ZC3HC1: variants seen among roughly 807,000 people sequenced by gnomAD.
ZC3HC1 encodes the protein zinc finger C3HC-type protein 1.
In ZC3HC1, 38 loss-of-function variants were observed where a neutral mutation model predicts 61.9. The ratio of observed to expected loss-of-function variants is 0.61; its 90% CI spans 0.47 to 0.81. The LOEUF (loss-of-function observed/expected upper bound fraction) is 0.81, where lower values mean the gene tolerates loss of function less well. ZC3HC1 is among the 30% of genes least tolerant of loss of function. The probability of loss-of-function intolerance (pLI) is 0.00; values close to 1 mark genes in which losing one functional copy is unlikely to be tolerated. For synonymous variants in ZC3HC1, 213 were observed against 229.9 expected (o/e 0.93, Z 0.67); for missense variants, 554 against 622.7 (o/e 0.89, Z 1.17).
intron 4 of ZC3HC1, among the ~76,000 whole-genome samples, chr7:130,037,937 A>G (rs1378440325): frequency 6.6e-6 from 1 of 152,220 alleles, no homozygotes; most frequent in Non-Finnish European, 1.5e-5. Context: ...CAGCAGGAAT[A>G]TGCCTATGTG....
At chr7:130,045,783 TG>T (rs1794839138) in intron 2 of ZC3HC1, among the ~76,000 whole-genome samples, 1 of 146,382 alleles carries the variant, frequency 6.8e-6, no homozygotes, top group African/African-American at 2.6e-5. Context: ...CCCAGGTACT[TG>T]GGAGGCTGAG....
Position 130,023,667 on chromosome 7 carries a change from A to C in ZC3HC1, c.1077T>G (p.Ser359Arg). ...VSRTRSWDSS[S>R]PVDRPEPEAA... The stretch of plus-strand genomic sequence containing the variant: ...CCTCTGGCTCAGGACGGTCAACAGG[A>C]CTGGAAGAGTCCCAGCTCCGAGTTC... The change falls in exon 8 of 10, where the codon AGT becomes AGG. Residue 359 changes from serine (S) to arginine (R), a missense_variant. Ser to Arg is a moderately radical substitution (Grantham distance 110). Coordinates refer to ENST00000358303, the MANE Select transcript of ZC3HC1 (RefSeq NM_016478.5). This position sits in a 1 kb window ranked among gnomAD's most constrained non-coding sequence, Gnocchi z 4.2. 1 of 1,614,204 alleles carries C rather than the reference A, an allele frequency of 6.2e-7. No homozygotes were observed. Among genetic ancestry groups the C allele is most frequent in the Non-Finnish European group, 8.5e-7 (1 of 1,180,028 alleles).
chr7:130,037,523 G>C (rs1399220055), intron 4 of ZC3HC1, among the ~76,000 whole-genome samples: 1 of 152,100 alleles, frequency 6.6e-6, no homozygotes, highest in African/African-American at 2.4e-5. Flanking sequence ...AATCCTCATA[G>C]GACCAAGTTT....
At chr7:130,032,219 C>T (rs1319134795) in intron 4 of ZC3HC1, among the ~76,000 whole-genome samples, 1 of 19,130 alleles carries the variant, frequency 5.2e-5, no homozygotes, top group Non-Finnish European at 1.1e-4. Flanking sequence ...ACAAGATTCC[C>T]TCTAAAAAAA....
intron 1 of ZC3HC1, among the ~76,000 whole-genome samples, chr7:130,049,406 C>CA (rs1358512816): frequency 1.3e-5 from 2 of 152,184 alleles, no homozygotes; most frequent in Non-Finnish European, 1.5e-5. Context: ...TCTACCTCTA[C>CA]AGGGCTCCAC....
At position 130,023,797 on chromosome 7, in the gene ZC3HC1, A is replaced by T. The variant is rs944535885; in HGVS notation, c.1021-74T>A. 2.3e-6 allele frequency: 3 copies of T among 1,313,162 alleles called. No homozygotes were observed. Among genetic ancestry groups the T allele is most frequent in the Non-Finnish European group, 3.1e-6 (3 of 955,714 alleles). The allele number at this position is 1,313,162 out of a possible 1,614,324, so 81.3% of individuals were successfully genotyped here. A position where few individuals can be genotyped will look rare whatever the true frequency, so the allele number is the denominator to read the frequency against. On this transcript the variant is annotated intron_variant, in intron 7 of 9. Transcript: ENST00000358303. The surrounding 1 kb of genome is among the most constrained non-coding windows in gnomAD (Gnocchi z 4.2). ...ATGGTCAGAAATACTTCTTTCTTTA[A>T]TCTTTTTTCTTTTTTTTTTTGAGAC...
Position 130,018,577 on chromosome 7 carries a change from G to A in ZC3HC1, c.*87C>T, listed in dbSNP as rs952789643. ...ATTAACCCAGAACAGGAAAAACTTA[G>A]TGTCAGCTGACCGAAAGGAACTCAG... is the stretch of plus-strand genomic sequence containing the variant. On this transcript the variant is annotated 3_prime_UTR_variant, in exon 10 of 10. Coordinates refer to ENST00000358303, the MANE Select transcript of ZC3HC1 (RefSeq NM_016478.5). 2.5e-6 allele frequency: 3 copies of A among 1,178,804 alleles called. No homozygotes were observed. Among genetic ancestry groups the A allele is most frequent in the Admixed American group, 1.9e-5 (1 of 53,006 alleles). The allele number at this position is 1,178,804 out of a possible 1,614,324, so 73.0% of individuals were successfully genotyped here. A position where few individuals can be genotyped will look rare whatever the true frequency, so the allele number is the denominator to read the frequency against.
At chr7:130,021,943 G>A (rs980675639) in intron 9 of ZC3HC1, among the ~76,000 whole-genome samples, 1 of 152,184 alleles carries the variant, frequency 6.6e-6, no homozygotes, top group Non-Finnish European at 1.5e-5. Flanking sequence ...GGGAGGCCGA[G>A]GCGGGGGGAT....
Position 130,026,265 on chromosome 7 carries a change from A to G in ZC3HC1, c.669T>C (p.Asp223=), listed in dbSNP as rs1182856208. ...TCTCATCAGTTCGGTGATCAAGTTC[A>G]TCTTCAAGCAAGTGTAGGAGAAGAC... ...KISLLLHLLE[D]ELDHRTDERK... is the part of the protein sequence containing the mutation. The change falls in exon 6 of 10, where the codon GAT becomes GAC. Residue 223 remains aspartate (D), a synonymous_variant. Transcript: ENST00000358303. 1 of 1,614,100 alleles carries G rather than the reference A, an allele frequency of 6.2e-7. No individual in the cohort carries two copies. Among genetic ancestry groups the G allele is most frequent in the East Asian group, 2.2e-5 (1 of 44,886 alleles).
chr7:130,034,300 A>G (rs1217148716), intron 4 of ZC3HC1, among the ~76,000 whole-genome samples: 1 of 150,984 alleles, frequency 6.6e-6, no homozygotes, highest in Non-Finnish European at 1.5e-5. Context: ...CCTGGCTAAC[A>G]CGGTGAAACC....
intron 2 of ZC3HC1, chr7:130,045,356 G>C (rs551767664): frequency 5.8e-5 from 22 of 376,580 alleles, no homozygotes; most frequent in African/African-American, 4.6e-4. Context: ...GAATAAAGTA[G>C]TGAAAAGCAG....
At position 130,024,411 on chromosome 7, in the gene ZC3HC1, A is replaced by G; in HGVS notation, c.872T>C (p.Met291Thr). ...GCCAAAGGATGCATCCAGGTCAGTC[A>G]TGGACGATTCAATCTGCTGGAAGCC... ...LWGFQQIESS[M>T]TDLDASFGLT... Residue 291 changes from methionine (M) to threonine (T), a missense_variant, in exon 7 of 10, where the codon ATG (methionine) becomes ACG (threonine). Coordinates refer to ENST00000358303, the MANE Select transcript of ZC3HC1 (RefSeq NM_016478.5). The G allele has an allele frequency of 6.2e-7, 1 of 1,614,146 alleles. No homozygotes were observed. Among genetic ancestry groups the G allele is most frequent in the Non-Finnish European group, 8.5e-7 (1 of 1,180,032 alleles).
At chr7:130,051,390 C>T, upstream of ZC3HC1, 2 of 1,612,620 alleles carry the variant, frequency 1.2e-6, no homozygotes, top group Non-Finnish European at 1.7e-6. Context: ...CGAGTTGCTT[C>T]CCCGAGAGTT....
intron 2 of ZC3HC1, chr7:130,045,430 A>G (rs1794823840): frequency 4.4e-6 from 2 of 456,478 alleles, no homozygotes; most frequent in Non-Finnish European, 8.8e-6. Flanking sequence ...AGAGCTACCC[A>G]TCAGTACCAT....
intron 9 of ZC3HC1, among the ~76,000 whole-genome samples, chr7:130,021,194 C>T (rs1349344289): frequency 6.6e-6 from 1 of 152,116 alleles, no homozygotes; most frequent in Non-Finnish European, 1.5e-5. Context: ...GCGTGAGCCA[C>T]CACACCCAGC....
chr7:130,045,712 G>C (rs576287771), intron 2 of ZC3HC1, among the ~76,000 whole-genome samples: 2 of 151,914 alleles, frequency 1.3e-5, no homozygotes, highest in Non-Finnish European at 2.9e-5. Flanking sequence ...GACCAGCCTG[G>C]CCAACATGGT....
At chr7:130,026,473 T>C (rs1793915110) in intron 5 of ZC3HC1, 161 bp from the exon 6 acceptor site, 3 of 682,754 alleles carry the variant, frequency 4.4e-6, no homozygotes, top group Non-Finnish European at 7.0e-6. Context: ...GGGACAGGGC[T>C]ATAGTATCAC....
At chr7:130,020,319 C>CCAGCG (rs1174559500) in intron 9 of ZC3HC1, among the ~76,000 whole-genome samples, 4 of 149,768 alleles carry the variant, frequency 2.7e-5, no homozygotes, top group Non-Finnish European at 5.9e-5. Flanking sequence ...GTTGCCCACG[C>CCAGCG]TGGAGTGTAG....
intron 4 of ZC3HC1, among the ~76,000 whole-genome samples, chr7:130,038,415 G>C (rs1794505247): frequency 1.3e-5 from 2 of 152,308 alleles, no homozygotes; most frequent in South Asian, 4.1e-4. Flanking sequence ...CATTATTGCT[G>C]TTAGTACTCC....
Sources: allele counts gnomAD v4.1 joint callset (sites outside exome capture counted in the v4.1 genomes callset), GRCh38; gene constraint gnomAD v4.1.1; non-coding constraint Gnocchi (gnomAD v3.1); transcripts MANE v1.5; gene names NCBI Gene and HGNC (gene_info 2026-07-23, HGNC 2026-07-21).